ASPH: variants seen among roughly 807,000 people sequenced by gnomAD.
ASPH encodes the protein aspartyl/asparaginyl beta-hydroxylase.
In ASPH, 100 loss-of-function variants were observed where a neutral mutation model predicts 118.4. That is an observed-to-expected ratio of 0.84 (90% CI 0.72 to 1.00). ASPH has a LOEUF of 1.00. Ranked by LOEUF, ASPH falls within the 50% of genes least tolerant of loss-of-function variation. The pLI, the probability that ASPH is intolerant of heterozygous loss-of-function variation, is 0.00. For synonymous variants in ASPH, 315 were observed against 325.6 expected, an observed-to-expected ratio of 0.97 and a Z score of 0.35; for missense variants, 920 against 919.5, an observed-to-expected ratio of 1.00 and a Z score of -0.01.
At chr8:61,688,569 T>A (rs1234583341) in intron 1 of ASPH, among the ~76,000 whole-genome samples, 3 of 152,192 alleles carry the variant, frequency 2.0e-5, no homozygotes, top group African/African-American at 7.2e-5. Context: ...TTATAGATCA[T>A]TTATAAGTTT....
chr8:61,573,280 A>G (rs1450922871), intron 16 of ASPH, among the ~76,000 whole-genome samples: 4 of 151,914 alleles, frequency 2.6e-5, no homozygotes, highest in African/African-American at 9.7e-5. Flanking sequence ...GAAAATGGCC[A>G]TAGTGCCCAA....
chr8:61,641,724 T>C (rs779652841), intron 10 of ASPH, among the ~76,000 whole-genome samples: 2 of 152,180 alleles, frequency 1.3e-5, no homozygotes, highest in Non-Finnish European at 2.9e-5. Context: ...TCACTATCTA[T>C]CATGACACTG....
intron 21 of ASPH, among the ~76,000 whole-genome samples, chr8:61,540,013 C>T (rs1241580666): frequency 6.6e-6 from 1 of 152,042 alleles, no homozygotes; most frequent in Non-Finnish European, 1.5e-5. Flanking sequence ...GTTAAATAAG[C>T]CCAAGGCACT....
At chr8:61,654,187 A>G (rs959063166) in intron 3 of ASPH, among the ~76,000 whole-genome samples, 1 of 151,968 alleles carries the variant, frequency 6.6e-6, no homozygotes, top group Non-Finnish European at 1.5e-5. Context: ...ATATTATTCT[A>G]TAACAGCTAA....
At chr8:61,508,535 A>G (rs749229507) in intron 24 of ASPH, among the ~76,000 whole-genome samples, 54 of 152,354 alleles carry the variant, frequency 3.5e-4, no homozygotes, top group Middle Eastern at 3.4e-3. Flanking sequence ...AGGCTAAGTA[A>G]TGATACTAGG....
chr8:61,693,995 C>T (rs528925245), intron 1 of ASPH, among the ~76,000 whole-genome samples: 1 of 152,326 alleles, frequency 6.6e-6, no homozygotes, highest in East Asian at 1.9e-4. Context: ...CAGAGCCAGC[C>T]TCAGCTGGGC....
In ASPH at chr8:61,588,095, AATTATTAATTTTGTTGAATTTGG is replaced by A. The variant is rs796477605; in HGVS notation, c.977-4089_977-4067del. Among the ~76,000 whole-genome samples, 52 of 152,272 alleles carry A rather than the reference AATTATTAATTTTGTTGAATTTGG, an allele frequency of 3.4e-4. 2 individuals carry two copies. Among genetic ancestry groups the A allele is most frequent in the African/African-American group, 1.1e-3 (47 of 41,518 alleles). On this transcript the variant is annotated intron_variant, in intron 14 of 24. Coordinates refer to ENST00000379454, the MANE Select transcript of ASPH (RefSeq NM_004318.4). ...AGTACACCTATAAGGTACTAGAAAG[AATTATTAATTTTGTTGAATTTGG>A]ATCTTTCAAAATGGTTTAGGAGAAA...
At chr8:61,693,183 C>T (rs1833078863) in intron 1 of ASPH, among the ~76,000 whole-genome samples, 1 of 152,136 alleles carries the variant, frequency 6.6e-6, no homozygotes. Context: ...TAGACAGGTG[C>T]TTTTTGCTTC....
At chr8:61,688,678 G>A (rs1329657415) in intron 1 of ASPH, among the ~76,000 whole-genome samples, 1 of 152,152 alleles carries the variant, frequency 6.6e-6, no homozygotes, top group East Asian at 1.9e-4. Flanking sequence ...TCATCAAACT[G>A]ATTATTTTTC....
intron 24 of ASPH, among the ~76,000 whole-genome samples, chr8:61,504,857 G>A (rs750864607): frequency 3.9e-5 from 6 of 152,170 alleles, no homozygotes; most frequent in Non-Finnish European, 8.8e-5. Context: ...TCCAAGTTAT[G>A]TAAACTAACA....
chr8:61,633,965 G>A (rs1486047090), intron 12 of ASPH, among the ~76,000 whole-genome samples: 4 of 152,056 alleles, frequency 2.6e-5, no homozygotes, highest in South Asian at 2.1e-4. Flanking sequence ...GTACCTGCCC[G>A]ACTAACCTCA....
Position 61,607,232 on chromosome 8 carries a change from T to A in ASPH, c.976+11746A>T, listed in dbSNP as rs754053652. On this transcript the variant is annotated intron_variant, in intron 14 of 24. Coordinates refer to ENST00000379454, the MANE Select transcript of ASPH (RefSeq NM_004318.4). ...CTTCTTTATTCAGTTCCCCCTTCCA[T>A]TCTTTAAGAAGGGTCAACACATGAA... 8.6e-6 allele frequency: 6 copies of A among 698,042 alleles called. No individual in the cohort carries two copies. The South Asian group carries it at 9.0e-5, about 10-fold the overall frequency. 43.2% of individuals were successfully genotyped at this position (698,042 alleles called of 1,614,324 possible).
In ASPH at chr8:61,503,138, C is replaced by CTGTCA. The variant is rs1805214187; in HGVS notation, c.*216_*220dup. Reference sequence around the variant, plus strand: ...CTTAAATACTGGCAGAAGACCAGTGCTGTCATGAGATGACACACAGCAGGG... The same window carrying CTGTCA: ...CTTAAATACTGGCAGAAGACCAGTGCTGTCATGTCATGAGATGACACACAGCAGGG... On this transcript the variant is annotated 3_prime_UTR_variant, in exon 25 of 25. Transcript: ENST00000379454. 2 of 396,476 alleles carry CTGTCA rather than the reference C, an allele frequency of 5.0e-6. No individual in the cohort carries two copies. The highest frequency in any genetic ancestry group is 9.0e-5 in the Admixed American group (2 of 22,322). 24.6% of individuals were successfully genotyped at this position (396,476 alleles called of 1,614,324 possible).
chr8:61,706,981 G>A (rs1053403938), intron 1 of ASPH, among the ~76,000 whole-genome samples: 5 of 152,124 alleles, frequency 3.3e-5, no homozygotes, highest in African/African-American at 1.2e-4. Context: ...TACACCAGGT[G>A]GTTCAGAGAT....
rs964802572 is a variant in ASPH at position 61,541,034 on chromosome 8, C to T, written c.1764+7037G>A. On this transcript the variant is annotated intron_variant, in intron 21 of 24. Coordinates refer to ENST00000379454, the MANE Select transcript of ASPH (RefSeq NM_004318.4). The stretch of plus-strand genomic sequence containing the variant: ...CAGCACTTTGGAAGGCCGAGGTGGG[C>T]GGATCACGAGGTCAGGAGATCGAGA... Among the ~76,000 whole-genome samples the T allele has an allele frequency of 7.9e-5, 12 of 151,936 alleles. No homozygotes were observed. The East Asian group carries it at 1.7e-3, about 22-fold the overall frequency.
chr8:61,534,811 T>G (rs1037146600), intron 21 of ASPH, among the ~76,000 whole-genome samples: 1 of 152,254 alleles, frequency 6.6e-6, no homozygotes, highest in Admixed American at 6.5e-5. Context: ...CGAAGGAAAG[T>G]CACTAATGGT....
intron 3 of ASPH, among the ~76,000 whole-genome samples, chr8:61,662,245 A>T (rs1421570676): frequency 6.6e-6 from 1 of 152,244 alleles, no homozygotes; most frequent in African/African-American, 2.4e-5. Context: ...TTTAAGAAAA[A>T]TATGCCAATA....
In ASPH at chr8:61,607,165, T is replaced by C; in HGVS notation, c.976+11813A>G. 6.2e-6 allele frequency: 4 copies of C among 644,666 alleles called. No homozygotes were observed. The South Asian group carries it at 6.9e-5, about 11-fold the overall frequency. 39.9% of individuals were successfully genotyped at this position (644,666 alleles called of 1,614,324 possible). ...AGCACACAAAAGGAGCCTATATATT[T>C]GGCAAACTAATGCATCATCCTTCTT... On this transcript the variant is annotated intron_variant, in intron 14 of 24. Coordinates refer to ENST00000379454, the MANE Select transcript of ASPH (RefSeq NM_004318.4).
At chr8:61,665,894 C>T (rs1291837456) in intron 3 of ASPH, among the ~76,000 whole-genome samples, 3 of 152,000 alleles carry the variant, frequency 2.0e-5, no homozygotes, top group African/African-American at 7.2e-5. Flanking sequence ...ATTGAGGGCA[C>T]CACGAAGGCA....
Sources: gnomAD v4.1 joint callset for allele counts (sites outside exome capture counted in the v4.1 genomes callset) on GRCh38, gnomAD v4.1.1 for gene constraint, MANE v1.5 for transcripts, NCBI Gene and HGNC (gene_info 2026-07-23, HGNC 2026-07-21) for gene names.